The following LRRC37A2 variants were observed in gnomAD, a reference collection of about 807,000 sequenced individuals.
The protein encoded by LRRC37A2 is leucine-rich repeat-containing protein 37A2.
A neutral mutation model predicts 68.8 loss-of-function variants in LRRC37A2; 9 were observed. That is an observed-to-expected ratio of 0.13 (90% CI 0.08 to 0.23). The LOEUF (loss-of-function observed/expected upper bound fraction) is 0.23, where lower values mean the gene tolerates loss of function less well. Among genes scored for constraint, LRRC37A2 ranks in the 10% least tolerant of loss-of-function variants. LRRC37A2 has a pLI of 1.00. For missense variants in LRRC37A2, 168 were observed against 950.4 expected, an observed-to-expected ratio of 0.18 and a Z score of 10.82; for synonymous variants, 63 against 367.6, an observed-to-expected ratio of 0.17 and a Z score of 9.48.
At chr17:46,772,038 A>G in the LRRC37A2 span, among the ~76,000 whole-genome samples, 1 of 151,802 alleles carries the variant, frequency 6.6e-6, no homozygotes, top group African/African-American at 2.4e-5. Context: ...CGGGTCTCAA[A>G]GCGCGGGGCA....
the LRRC37A2 span, among the ~76,000 whole-genome samples, chr17:46,845,236 C>T: frequency 2.6e-5 from 4 of 152,160 alleles, no homozygotes; most frequent in South Asian, 8.3e-4. Flanking sequence ...TAGAGTCTTT[C>T]ACTAGTGCTT....
the LRRC37A2 span, among the ~76,000 whole-genome samples, chr17:46,494,508 T>G: frequency 6.7e-6 from 1 of 149,628 alleles, no homozygotes; most frequent in Admixed American, 6.6e-5. Context: ...CAATAAAACT[T>G]TATGAACACT....
the LRRC37A2 span, among the ~76,000 whole-genome samples, chr17:46,896,186 C>T: frequency 2.0e-5 from 3 of 151,480 alleles, no homozygotes; most frequent in South Asian, 2.1e-4. Flanking sequence ...CCCAGCTACT[C>T]GGGAGGCTGA....
intron 8 of LRRC37A2, among the ~76,000 whole-genome samples, chr17:46,542,389 G>C (rs2055501495): frequency 6.8e-6 from 1 of 147,964 alleles, no homozygotes. Flanking sequence ...TTTTTTTGTA[G>C]AAATGAGGTC....
At chr17:46,790,665 G>A in the LRRC37A2 span, among the ~76,000 whole-genome samples, 8 of 152,000 alleles carry the variant, frequency 5.3e-5, no homozygotes, top group Non-Finnish European at 8.8e-5. Context: ...TTCCTCTCCC[G>A]AAGTAGCCCT....
chr17:46,796,606 C>T, the LRRC37A2 span, among the ~76,000 whole-genome samples: 1 of 152,318 alleles, frequency 6.6e-6, no homozygotes, highest in South Asian at 2.1e-4. Context: ...TTGGTTCCTG[C>T]CCCGCAGGGG....
the LRRC37A2 span, among the ~76,000 whole-genome samples, chr17:46,690,624 A>AAATAT: frequency 0.02 from 2,165 of 110,586 alleles, 40 homozygotes; most frequent in Non-Finnish European, 0.03. Flanking sequence ...AAAAAAAAAA[A>AAATAT]ATATATATAT....
the LRRC37A2 span, among the ~76,000 whole-genome samples, chr17:46,961,538 TAAAAA>T: frequency 6.6e-6 from 1 of 151,914 alleles, no homozygotes; most frequent in Non-Finnish European, 1.5e-5. Flanking sequence ...CTGCCTCTGT[TAAAAA>T]AAGAAGCAAA....
chr17:46,749,796 G>C, the LRRC37A2 span: 2 of 1,613,768 alleles, frequency 1.2e-6, no homozygotes, highest in Non-Finnish European at 1.7e-6. Context: ...TTATCATTGG[G>C]ACCACTAGCC....
At chr17:46,864,644 C>T in the LRRC37A2 span, among the ~76,000 whole-genome samples, 3 of 152,284 alleles carry the variant, frequency 2.0e-5, no homozygotes, top group South Asian at 6.2e-4. Context: ...CTTGCATTTC[C>T]ACCACCTTAG....
chr17:46,981,227 A>G, the LRRC37A2 span, among the ~76,000 whole-genome samples: 1 of 152,234 alleles, frequency 6.6e-6, no homozygotes, highest in Non-Finnish European at 1.5e-5. Flanking sequence ...CACAGGCATC[A>G]CAGAGCCTCT....
At chr17:46,799,348 C>A in the LRRC37A2 span, among the ~76,000 whole-genome samples, 1 of 152,120 alleles carries the variant, frequency 6.6e-6, no homozygotes, top group Non-Finnish European at 1.5e-5. Flanking sequence ...TCTAAAGAAG[C>A]CTGGCCTGGG....
the LRRC37A2 span, chr17:46,768,278 C>T: frequency 1.2e-6 from 2 of 1,611,986 alleles, no homozygotes; most frequent in Non-Finnish European, 1.7e-6. The surrounding 1 kb of genome is among the most constrained non-coding windows in gnomAD (Gnocchi z 5.0). Flanking sequence ...TGCGCCCAGG[C>T]TCCCAGCCTC....
chr17:46,622,382 C>T, the LRRC37A2 span, among the ~76,000 whole-genome samples: 12 of 149,968 alleles, frequency 8.0e-5, no homozygotes, highest in Non-Finnish European at 1.5e-4. Context: ...GGCGTGAACC[C>T]GGGAGGCGGA....
At chr17:46,755,510 C>A in the LRRC37A2 span, 1 of 790,186 alleles carries the variant, frequency 1.3e-6, no homozygotes, top group Non-Finnish European at 2.1e-6. Context: ...TCCGAGAGAC[C>A]AAGCAAGGAA....
chr17:46,903,490 T>C, the LRRC37A2 span, among the ~76,000 whole-genome samples: 2 of 152,164 alleles, frequency 1.3e-5, no homozygotes, highest in African/African-American at 4.8e-5. Flanking sequence ...AGAGGTTCCC[T>C]ACCTCTGGCC....
the LRRC37A2 span, chr17:46,751,517 C>A: frequency 6.2e-7 from 1 of 1,613,864 alleles, no homozygotes; most frequent in South Asian, 1.1e-5. Context: ...TGGGCAACTT[C>A]AAGGATAAGG....
At chr17:46,974,429 G>A in the LRRC37A2 span, among the ~76,000 whole-genome samples, 6 of 152,184 alleles carry the variant, frequency 3.9e-5, no homozygotes, top group Non-Finnish European at 8.8e-5. Context: ...CCAATGTGTT[G>A]TGGGGAGCAA....
the LRRC37A2 span, among the ~76,000 whole-genome samples, chr17:47,045,693 G>GT: frequency 6.8e-6 from 1 of 146,856 alleles, no homozygotes; most frequent in African/African-American, 2.5e-5. Context: ...CCAAATTTAC[G>GT]TATTGAAAAA....
Sources: allele counts gnomAD v4.1 joint callset (sites outside exome capture counted in the v4.1 genomes callset), GRCh38; gene constraint gnomAD v4.1.1; non-coding constraint Gnocchi (gnomAD v3.1); transcripts MANE v1.5; gene names NCBI Gene and HGNC (gene_info 2026-07-23, HGNC 2026-07-21).